The following TMEM51 variants were observed in gnomAD, a reference collection of about 807,000 sequenced individuals.
TMEM51 encodes the protein transmembrane protein 51.
Under a neutral mutation model 13.6 loss-of-function variants are expected in TMEM51, and 8 were observed. That is an observed-to-expected ratio of 0.59 (90% CI 0.35 to 1.07). TMEM51 has a LOEUF of 1.07. TMEM51 is among the 50% of genes least tolerant of loss of function. The probability of loss-of-function intolerance (pLI) is 0.02; values close to 1 mark genes in which losing one functional copy is unlikely to be tolerated. For synonymous variants in TMEM51, 147 were observed against 144.4 expected, an observed-to-expected ratio of 1.02 and a Z score of -0.13; for missense variants, 279 against 330.7, an observed-to-expected ratio of 0.84 and a Z score of 1.21.
At position 15,215,192 on chromosome 1, in the gene TMEM51, C is replaced by G. The variant is rs767859599; in HGVS notation, c.105C>G (p.Pro35=). 1 of 1,614,094 alleles carries G rather than the reference C, an allele frequency of 6.2e-7. No homozygotes were observed. The highest frequency in any genetic ancestry group is 1.3e-5 in the African/African-American group (1 of 74,934). The part of the protein sequence containing the change: ...GVIMAMWNLV[P]GFSAAEKPTA... ...TCATGGCCATGTGGAACCTGGTACC[C>G]GGCTTCAGCGCGGCCGAGAAGCCAA... is the stretch of plus-strand genomic sequence containing the variant. The change falls in exon 3 of 4, where the codon CCC becomes CCG. Residue 35 remains proline, a synonymous_variant. Coordinates refer to ENST00000376008, the MANE Select transcript of TMEM51 (RefSeq NM_001136218.2).
At chr1:15,190,564 G>T (rs1236010622) in intron 1 of TMEM51, among the ~76,000 whole-genome samples, 1 of 152,002 alleles carries the variant, frequency 6.6e-6, no homozygotes, top group East Asian at 1.9e-4. Flanking sequence ...TGTGCCTGTG[G>T]CCCTTGTGGT....
chr1:15,201,852 G>C (rs944587213), intron 1 of TMEM51, among the ~76,000 whole-genome samples: 1 of 152,174 alleles, frequency 6.6e-6, no homozygotes, highest in Non-Finnish European at 1.5e-5. Flanking sequence ...CTAATCTCCA[G>C]AATCAGAGCT....
At chr1:15,189,213 C>CATTTTT (rs1643873102) in intron 1 of TMEM51, among the ~76,000 whole-genome samples, 1 of 92,852 alleles carries the variant, frequency 1.1e-5, no homozygotes, top group African/African-American at 4.3e-5. Flanking sequence ...CTAATTTTTC[C>CATTTTT]TTTTTTTTTT....
At chr1:15,206,363 G>C (rs368343102) in intron 1 of TMEM51, among the ~76,000 whole-genome samples, 1 of 151,932 alleles carries the variant, frequency 6.6e-6, no homozygotes, top group Admixed American at 6.6e-5. Context: ...GAAGGAAGGA[G>C]GGAGGGTAGG....
At chr1:15,167,288 C>T (rs1180540650) in intron 1 of TMEM51, among the ~76,000 whole-genome samples, 1 of 140,566 alleles carries the variant, frequency 7.1e-6, no homozygotes, top group Non-Finnish European at 1.5e-5. Flanking sequence ...GATGACGCCA[C>T]TGCACTCCAG....
chr1:15,158,612 C>T (rs192624753), intron 1 of TMEM51, among the ~76,000 whole-genome samples: 3 of 152,250 alleles, frequency 2.0e-5, no homozygotes, highest in East Asian at 3.9e-4. Flanking sequence ...GCAGAGTAGG[C>T]GTTTCAATAG....
chr1:15,211,961 A>G lies in TMEM51; in HGVS notation c.-194+1399A>G, dbSNP rs531600772. ...TATGGAGAATTTTTTAAAAATTAGA[A>G]TCACGCTGAACACACTGTTGTTTCA... On this transcript the variant is annotated intron_variant, in intron 2 of 3. Transcript: ENST00000376008. Among the ~76,000 whole-genome samples, 4 of 152,204 alleles carry G rather than the reference A, an allele frequency of 2.6e-5. No homozygotes were observed. In the East Asian group the frequency reaches 7.7e-4, roughly 29 times the overall value.
intron 1 of TMEM51, among the ~76,000 whole-genome samples, chr1:15,177,688 TTTGATTGA>T (rs149641365): frequency 1.3e-5 from 2 of 152,114 alleles, no homozygotes; most frequent in East Asian, 1.9e-4. Context: ...GATTTTTAAA[TTTGATTGA>T]TTGATTGATT....
intron 1 of TMEM51, chr1:15,168,616 A>G (rs115378508): frequency 7.7e-7 from 1 of 1,304,494 alleles, no homozygotes; most frequent in African/African-American, 1.5e-5. Context: ...AAGGCCATAG[A>G]GTTCTTCAAC....
intron 1 of TMEM51, among the ~76,000 whole-genome samples, chr1:15,182,376 G>A (rs1446614591): frequency 3.9e-5 from 6 of 152,058 alleles, no homozygotes; most frequent in South Asian, 2.1e-4. Flanking sequence ...CTGCCCAATC[G>A]GACTGTCGTA....
intron 1 of TMEM51, among the ~76,000 whole-genome samples, chr1:15,190,074 G>C (rs1643895471): frequency 6.6e-6 from 1 of 152,182 alleles, no homozygotes; most frequent in South Asian, 2.1e-4. Context: ...TTTGTTCATG[G>C]AACTGGTGTG....
chr1:15,173,157 A>G (rs1042689359), intron 1 of TMEM51, among the ~76,000 whole-genome samples: 1 of 150,832 alleles, frequency 6.6e-6, no homozygotes, highest in Non-Finnish European at 1.5e-5. Context: ...AGTAGGTCAG[A>G]TGGGCCCAGC....
intron 1 of TMEM51, chr1:15,171,211 T>C (rs969973227): frequency 7.7e-7 from 1 of 1,303,634 alleles, no homozygotes; most frequent in Non-Finnish European, 1.0e-6. Flanking sequence ...TGCTGTTGAT[T>C]TGGGGCCACG....
intron 1 of TMEM51, among the ~76,000 whole-genome samples, chr1:15,188,765 C>T (rs918462519): frequency 3.9e-5 from 6 of 152,220 alleles, no homozygotes; most frequent in Non-Finnish European, 5.9e-5. Context: ...ATGCCATTGC[C>T]GTGTCCCCCA....
intron 1 of TMEM51, among the ~76,000 whole-genome samples, chr1:15,188,461 C>T (rs1643852590): frequency 6.6e-6 from 1 of 152,234 alleles, no homozygotes; most frequent in African/African-American, 2.4e-5. Context: ...GCCACCACAT[C>T]ACCTGAGTGC....
chr1:15,168,556 G>A (rs1436092663), intron 1 of TMEM51: 4 of 1,304,704 alleles, frequency 3.1e-6, no homozygotes, highest in African/African-American at 3.0e-5. Context: ...AGCATAGGCT[G>A]TTTTGTCTTG....
At chr1:15,203,147 C>T (rs1644187604) in intron 1 of TMEM51, among the ~76,000 whole-genome samples, 1 of 151,854 alleles carries the variant, frequency 6.6e-6, no homozygotes, top group African/African-American at 2.4e-5. Context: ...TGGTTCCCTC[C>T]TCTGCCTGGA....
chr1:15,185,463 C>T (rs928429513), intron 1 of TMEM51, among the ~76,000 whole-genome samples: 1 of 152,260 alleles, frequency 6.6e-6, no homozygotes, highest in Admixed American at 6.5e-5. Context: ...GGTGGGAAAA[C>T]TGAGGCCCAA....
intron 2 of TMEM51, among the ~76,000 whole-genome samples, chr1:15,211,943 A>C (rs1644347393): frequency 6.6e-6 from 1 of 151,322 alleles, no homozygotes; most frequent in African/African-American, 2.4e-5. Context: ...GTGTATGGAG[A>C]ATTTTTTAAA....
Sources: allele counts gnomAD v4.1 joint callset (sites outside exome capture counted in the v4.1 genomes callset), GRCh38; gene constraint gnomAD v4.1.1; transcripts MANE v1.5; gene names NCBI Gene and HGNC (gene_info 2026-07-23, HGNC 2026-07-21).